The following NIM1K variants were observed in gnomAD, a reference collection of about 807,000 sequenced individuals.
The protein encoded by NIM1K is serine/threonine-protein kinase NIM1.
In NIM1K, 35 loss-of-function variants were observed where a neutral mutation model predicts 37.1. The ratio of observed to expected loss-of-function variants is 0.94; its 90% CI spans 0.72 to 1.25. NIM1K has a LOEUF of 1.25. Among genes scored for constraint, NIM1K ranks in the 50% most tolerant of loss-of-function variants. The pLI is 0.00. For synonymous variants in NIM1K, 234 were observed against 206.6 expected (o/e 1.13, Z -1.14); for missense variants, 564 against 548.0 (o/e 1.03, Z -0.29).
At chr5:43,265,918 C>T (rs1258724310) in intron 2 of NIM1K, among the ~76,000 whole-genome samples, 1 of 152,226 alleles carries the variant, frequency 6.6e-6, no homozygotes, top group Non-Finnish European at 1.5e-5. Flanking sequence ...TGGGTATCAC[C>T]AGCAGAGGCT....
rs561535725 is a variant in NIM1K at position 43,234,666 on chromosome 5, GCT to G, written c.-694-10413_-694-10412del. Among the ~76,000 whole-genome samples, 24 of 152,222 alleles carry G rather than the reference GCT, an allele frequency of 1.6e-4. No individual in the cohort carries two copies. The South Asian group carries it at 5.0e-3, about 32-fold the overall frequency. ...TTTTGTATTATTTTGACACAGTCTT[GCT>G]CTGTTGCCCAGGTTGGAATGCAGTG... On this transcript the variant is annotated intron_variant, in intron 1 of 3. Coordinates refer to ENST00000326035, the MANE Select transcript of NIM1K (RefSeq NM_153361.4).
At position 43,214,297 on chromosome 5, in the gene NIM1K, G is replaced by T. The variant is rs146845399; in HGVS notation, c.-695+21886G>T. Among the ~76,000 whole-genome samples, 1,000 of 145,582 alleles carry T rather than the reference G, an allele frequency of 6.9e-3. 9 individuals are homozygous for T. The highest frequency in any genetic ancestry group is 0.025 in the African/African-American group (963 of 39,056). Reference sequence around the variant, plus strand: ...AAATCTCTGTTGTAATTATAAGTAGGCAAAACAATATCATCATCAACAATA... The same window carrying T: ...AAATCTCTGTTGTAATTATAAGTAGTCAAAACAATATCATCATCAACAATA... On this transcript the variant is annotated intron_variant, in intron 1 of 3. Coordinates refer to ENST00000326035, the MANE Select transcript of NIM1K (RefSeq NM_153361.4).
chr5:43,258,071 C>A (rs75531489), intron 2 of NIM1K, among the ~76,000 whole-genome samples: 3,113 of 152,270 alleles, frequency 0.02, 109 homozygotes, highest in African/African-American at 0.071. Context: ...GTACTCAGAG[C>A]GCTGCCCTCC....
At chr5:43,276,153 G>A (rs903583552) in intron 2 of NIM1K, among the ~76,000 whole-genome samples, 4 of 152,044 alleles carry the variant, frequency 2.6e-5, no homozygotes, top group East Asian at 1.9e-4. Context: ...TTGGCCTCCC[G>A]AAGTGCTGGG....
At chr5:43,250,179 T>C (rs1412348680) in intron 2 of NIM1K, among the ~76,000 whole-genome samples, 2 of 152,142 alleles carry the variant, frequency 1.3e-5, no homozygotes, top group African/African-American at 4.8e-5. Flanking sequence ...GCTAATGGAA[T>C]CATTCACTGT....
At chr5:43,230,850 A>G (rs1579968793) in intron 1 of NIM1K, among the ~76,000 whole-genome samples, 3 of 152,346 alleles carry the variant, frequency 2.0e-5, no homozygotes, top group East Asian at 3.9e-4. Context: ...GCATTTTACC[A>G]GAGCTTTTTT....
chr5:43,198,207 C>CTTTCTTTCTTTCTT (rs1281355308), intron 1 of NIM1K, among the ~76,000 whole-genome samples: 6 of 48,892 alleles, frequency 1.2e-4, no homozygotes, highest in South Asian at 8.7e-4. Flanking sequence ...TTCTTTCTTT[C>CTTTCTTTCTTTCTT]TCTTTCTTTC....
At position 43,262,150 on chromosome 5, in the gene NIM1K, T is replaced by C. The variant is rs141968192; in HGVS notation, c.293-14907T>C. On this transcript the variant is annotated intron_variant, in intron 2 of 3. Coordinates refer to ENST00000326035, the MANE Select transcript of NIM1K (RefSeq NM_153361.4). ...GTTTTTTCCACTTCTGTGAAGAAAG[T>C]CATTGGTAACTTGATGGGGATGGCA... 3.9e-3 allele frequency among the ~76,000 whole-genome samples: 600 copies of C among 152,324 alleles called. 5 individuals are homozygous for C. Among genetic ancestry groups the C allele is most frequent in the Non-Finnish European group, 6.6e-3 (450 of 68,030 alleles).
intron 1 of NIM1K, among the ~76,000 whole-genome samples, chr5:43,209,991 A>G (rs769612473): frequency 3.3e-5 from 5 of 152,210 alleles, no homozygotes; most frequent in Non-Finnish European, 7.3e-5. Context: ...TGGTGCCCAG[A>G]ATCTGAAATG....
intron 2 of NIM1K, among the ~76,000 whole-genome samples, chr5:43,257,667 A>G (rs1752966994): frequency 6.6e-6 from 1 of 152,088 alleles, no homozygotes; most frequent in Non-Finnish European, 1.5e-5. Context: ...AACTCTTTAA[A>G]GGGGTTTTAC....
intron 2 of NIM1K, among the ~76,000 whole-genome samples, chr5:43,265,241 C>G (rs1421177879): frequency 6.6e-6 from 1 of 152,214 alleles, no homozygotes; most frequent in Non-Finnish European, 1.5e-5. Context: ...CTCTCCGTCA[C>G]TTTCAGGTAC....
rs1057408757 is a variant in NIM1K at position 43,192,361 on chromosome 5, G to T, written c.-745G>T. On this transcript the variant is annotated 5_prime_UTR_variant, in exon 1 of 4. Transcript: ENST00000326035. Reference sequence around the variant, plus strand: ...TGCTCCAGAGGCAACAACCCAGCGCGCCTAGCCTGGCGCCGTGCAGCGAAG... The same window carrying T: ...TGCTCCAGAGGCAACAACCCAGCGCTCCTAGCCTGGCGCCGTGCAGCGAAG... 6.6e-5 allele frequency: 10 copies of T among 152,394 alleles called. No homozygotes were observed. The highest frequency in any genetic ancestry group is 1.5e-5 in the Non-Finnish European group (1 of 68,202). 9.4% of individuals were successfully genotyped at this position (152,394 alleles called of 1,614,324 possible).
chr5:43,279,337 G>C (rs969351373), intron 3 of NIM1K, among the ~76,000 whole-genome samples: 2 of 152,104 alleles, frequency 1.3e-5, no homozygotes, highest in Admixed American at 6.6e-5. Context: ...CCAAAGCCTG[G>C]ATTCTTATTC....
At chr5:43,218,047 T>C (rs1752328609) in intron 1 of NIM1K, among the ~76,000 whole-genome samples, 1 of 150,764 alleles carries the variant, frequency 6.6e-6, no homozygotes, top group African/African-American at 2.5e-5. Context: ...AGTCTCAGTC[T>C]GTCGCCCAGG....
At position 43,264,074 on chromosome 5, in the gene NIM1K, G is replaced by T. The variant is rs529297573; in HGVS notation, c.293-12983G>T. Among the ~76,000 whole-genome samples, 7 of 152,328 alleles carry T rather than the reference G, an allele frequency of 4.6e-5. No homozygotes were observed. In the South Asian group the frequency reaches 1.2e-3, roughly 27 times the overall value. On this transcript the variant is annotated intron_variant, in intron 2 of 3. Coordinates refer to ENST00000326035, the MANE Select transcript of NIM1K (RefSeq NM_153361.4). Reference sequence around the variant, plus strand: ...TCAATTTTGGAATAAGTGTGATGTAGTGCTGAGAAGAATGTATATTCTGTT... The same window carrying T: ...TCAATTTTGGAATAAGTGTGATGTATTGCTGAGAAGAATGTATATTCTGTT...
chr5:43,239,116 G>T (rs1035052081), intron 1 of NIM1K, among the ~76,000 whole-genome samples: 1 of 151,856 alleles, frequency 6.6e-6, no homozygotes, highest in Non-Finnish European at 1.5e-5. Context: ...CCTTATGTAG[G>T]AATTTAGGTT....
intron 1 of NIM1K, among the ~76,000 whole-genome samples, chr5:43,211,540 C>A (rs1055231735): frequency 6.6e-6 from 1 of 152,146 alleles, no homozygotes; most frequent in African/African-American, 2.4e-5. Context: ...TTCAGTTCAG[C>A]ATGTCAATAT....
intron 1 of NIM1K, among the ~76,000 whole-genome samples, chr5:43,204,704 CAAAAA>C (rs59833557): frequency 7.9e-6 from 1 of 125,920 alleles, no homozygotes; most frequent in African/African-American, 2.9e-5. Context: ...GGCTCTGTCT[CAAAAA>C]AAAAAAAAAA....
chr5:43,238,877 C>T (rs2112253620), intron 1 of NIM1K, among the ~76,000 whole-genome samples: 1 of 149,176 alleles, frequency 6.7e-6, no homozygotes, highest in Admixed American at 6.8e-5. Context: ...TTTACCTAAT[C>T]CTCCGTCCTG....
Sources: allele counts gnomAD v4.1 joint callset (sites outside exome capture counted in the v4.1 genomes callset), GRCh38; gene constraint gnomAD v4.1.1; transcripts MANE v1.5; gene names NCBI Gene and HGNC (gene_info 2026-07-23, HGNC 2026-07-21).